The following ABL1 variants were observed in gnomAD, a reference collection of about 807,000 sequenced individuals.
ABL1 encodes ABL proto-oncogene 1, non-receptor tyrosine kinase.
In ABL1, 11 loss-of-function variants were observed where a neutral mutation model predicts 94.7. That is an observed-to-expected ratio of 0.12 (90% CI 0.07 to 0.19). The LOEUF (loss-of-function observed/expected upper bound fraction) is 0.19, where lower values mean the gene tolerates loss of function less well. Ranked by LOEUF, ABL1 falls within the 10% of genes least tolerant of loss-of-function variation. ABL1 has a pLI of 1.00. For missense variants in ABL1, 1,082 were observed against 1,489.4 expected (o/e 0.73, Z 4.50); for synonymous variants, 656 against 622.4 (o/e 1.05, Z -0.80).
At chr9:130,839,406 A>C (rs1429294113) in intron 1 of ABL1, among the ~76,000 whole-genome samples, 1 of 152,198 alleles carries the variant, frequency 6.6e-6, no homozygotes, top group Non-Finnish European at 1.5e-5. Flanking sequence ...TCCCTTGTTC[A>C]GTAACAAAGA....
chr9:130,791,913 G>A (rs1005733273), intron 1 of ABL1, among the ~76,000 whole-genome samples: 21 of 152,060 alleles, frequency 1.4e-4, no homozygotes, highest in African/African-American at 4.6e-4. Flanking sequence ...TATTAGTTCT[G>A]TCCCTTTGGA....
Position 130,855,072 on chromosome 9 carries a change from G to A in ABL1, c.525G>A (p.Arg175=), listed in dbSNP as rs781197426. ...ACGAAGGGAGGGTGTACCATTACAG[G>A]ATCAACACTGCTTCTGATGGCAAGG... is the stretch of plus-strand genomic sequence containing the variant. The part of the protein sequence containing the change: ...LRYEGRVYHY[R]INTASDGKLY... The change falls in exon 3 of 11, where the codon AGG becomes AGA. Residue 175 remains arginine, a synonymous_variant. Transcript: ENST00000318560. The A allele has an allele frequency of 1.9e-6, 3 of 1,613,944 alleles. No individual in the cohort carries two copies. The highest frequency in any genetic ancestry group is 1.7e-6 in the Non-Finnish European group (2 of 1,179,838).
At chr9:130,824,378 C>T (rs1338619002) in intron 1 of ABL1, among the ~76,000 whole-genome samples, 1 of 152,106 alleles carries the variant, frequency 6.6e-6, no homozygotes, top group East Asian at 1.9e-4. Context: ...CTAATCAGGC[C>T]CTCAACGGAC....
Position 130,880,373 on chromosome 9 carries a change from C to CA in ABL1, c.1514-127_1514-126insA. 2 of 1,202,618 alleles carry CA rather than the reference C, an allele frequency of 1.7e-6. No homozygotes were observed. Among genetic ancestry groups the CA allele is most frequent in the Admixed American group, 4.8e-5 (2 of 41,558 alleles). The allele number at this position is 1,202,618 out of a possible 1,614,324, so 74.5% of individuals were successfully genotyped here. On this transcript the variant is annotated intron_variant, in intron 9 of 10. Coordinates refer to ENST00000318560, the MANE Select transcript of ABL1 (RefSeq NM_005157.6). This position sits in a 1 kb window ranked among gnomAD's most constrained non-coding sequence, Gnocchi z 4.4. ...CTAAGGGCTGTTTCTCCGGTATCCACGTGCCTTTTCTTTAGTTGTATGCAG... is the reference window on the plus strand; with the variant it reads ...CTAAGGGCTGTTTCTCCGGTATCCACAGTGCCTTTTCTTTAGTTGTATGCAG...
chr9:130,867,165 T>C (rs73656060), intron 4 of ABL1, among the ~76,000 whole-genome samples: 7,632 of 152,272 alleles, frequency 0.05, 365 homozygotes, highest in African/African-American at 0.12. Context: ...GTGCAGGATA[T>C]ATTTTTTTGA....
intron 1 of ABL1, among the ~76,000 whole-genome samples, chr9:130,799,372 G>A (rs1793738023): frequency 6.6e-6 from 1 of 152,214 alleles, no homozygotes; most frequent in South Asian, 2.1e-4. Context: ...CTAGGAAAGA[G>A]CAAAGAGCAG....
At chr9:130,878,900 G>A (rs1436879124) in intron 8 of ABL1, among the ~76,000 whole-genome samples, 1 of 140,450 alleles carries the variant, frequency 7.1e-6, no homozygotes, top group Non-Finnish European at 1.5e-5. Flanking sequence ...TTTTTGAGAC[G>A]GAGTTTCGCT....
intron 4 of ABL1, among the ~76,000 whole-genome samples, chr9:130,870,844 C>T (rs1831240404): frequency 6.6e-6 from 1 of 152,190 alleles, no homozygotes; most frequent in Non-Finnish European, 1.5e-5. Flanking sequence ...CACATAGCCT[C>T]ATTGGTCACG....
At chr9:130,781,957 A>G (rs899692638) in intron 1 of ABL1, among the ~76,000 whole-genome samples, 4 of 152,248 alleles carry the variant, frequency 2.6e-5, no homozygotes, top group African/African-American at 4.8e-5. Flanking sequence ...ATGTACGTAT[A>G]TACATCACAT....
At chr9:130,818,759 C>G (rs1830322143) in intron 1 of ABL1, among the ~76,000 whole-genome samples, 1 of 152,212 alleles carries the variant, frequency 6.6e-6, no homozygotes, top group Non-Finnish European at 1.5e-5. Context: ...ATTGCCCTTT[C>G]ACCTTTGTGG....
chr9:130,848,775 A>G (rs1205528711), intron 1 of ABL1, among the ~76,000 whole-genome samples: 2 of 151,804 alleles, frequency 1.3e-5, no homozygotes, highest in African/African-American at 4.8e-5. Flanking sequence ...CATCTCTACT[A>G]AAAATACAAA....
rs1831559585 is a variant in ABL1 at position 130,885,427 on chromosome 9, A to G, written c.3137A>G (p.Asn1046Ser). ...GCGCTGTGCCTCGCCATCTCTAGGA[A>G]CTCCGAGCAGATGGCCAGCCACAGC... Reference protein sequence around the residue: ...TEALCLAISRNSEQMASHSAV... With the variant: ...TEALCLAISRSSEQMASHSAV... The change falls in exon 11 of 11, where the codon AAC becomes AGC. Residue 1046 changes from asparagine to serine, a missense_variant. Around this residue, in one of 7 missense-constraint regions of ABL1, gnomAD observed 780 missense variants for 835.8 expected, o/e 0.93. Transcript: ENST00000318560. 6.2e-7 allele frequency: 1 copy of G among 1,613,532 alleles called. No homozygotes were observed. The highest frequency in any genetic ancestry group is 1.3e-5 in the African/African-American group (1 of 74,928).
chr9:130,713,287 C>T (rs1237364462), exon 1 of ABL1, among the ~76,000 whole-genome samples: 1 of 152,022 alleles, frequency 6.6e-6, no homozygotes. Flanking sequence ...GCAGCTGAGG[C>T]GGCCGGGCCT....
At chr9:130,819,242 C>T (rs1303634395) in intron 1 of ABL1, among the ~76,000 whole-genome samples, 1 of 152,114 alleles carries the variant, frequency 6.6e-6, no homozygotes, top group Non-Finnish European at 1.5e-5. Context: ...GTCCCAGCTA[C>T]TCGGGAGGCT....
intron 8 of ABL1, among the ~76,000 whole-genome samples, chr9:130,879,793 C>T (rs886754734): frequency 2.6e-5 from 4 of 152,190 alleles, no homozygotes; most frequent in African/African-American, 7.2e-5. Flanking sequence ...CCTACTAGAG[C>T]GGGACTGGGA....
At position 130,835,741 on chromosome 9, in the gene ABL1, GTCTCTCTCTTTT is replaced by G. The variant is rs908013721; in HGVS notation, c.79+226_79+237del. On this transcript the variant is annotated intron_variant, in intron 1 of 10. Coordinates refer to ENST00000318560, the MANE Select transcript of ABL1 (RefSeq NM_005157.6). This position sits in a 1 kb window ranked among gnomAD's most constrained non-coding sequence, Gnocchi z 4.6. Reference sequence around the variant, plus strand: ...GTGTCTGTCTCTTTTCTCTTCTCTTGTCTCTCTCTTTTTCTCTCTCTCTGTCTCTTTCTCTTT... The same window carrying G: ...GTGTCTGTCTCTTTTCTCTTCTCTTGTCTCTCTCTCTGTCTCTTTCTCTTT... Among the ~76,000 whole-genome samples the G allele has an allele frequency of 5.8e-5, 7 of 119,770 alleles. No homozygotes were observed. The highest frequency in any genetic ancestry group is 2.1e-4 in the African/African-American group (7 of 33,972). The allele number at this position is 119,770 out of a possible 152,430, so 78.6% of individuals were successfully genotyped here.
chr9:130,782,139 A>G (rs996108605), intron 1 of ABL1, among the ~76,000 whole-genome samples: 9 of 150,508 alleles, frequency 6.0e-5, no homozygotes, highest in Non-Finnish European at 8.9e-5. Flanking sequence ...GCTTACTGCA[A>G]CCTCCACCTT....
intron 3 of ABL1, among the ~76,000 whole-genome samples, chr9:130,856,782 G>A (rs992207521): frequency 1.4e-4 from 21 of 152,148 alleles, no homozygotes; most frequent in African/African-American, 4.6e-4. Context: ...ATACACCTTC[G>A]AGATTGTTTT....
In ABL1 at chr9:130,880,355, C is replaced by A; in HGVS notation, c.1514-145C>A. 2 of 1,098,014 alleles carry A rather than the reference C, an allele frequency of 1.8e-6. No individual in the cohort carries two copies. Among genetic ancestry groups the A allele is most frequent in the Non-Finnish European group, 2.6e-6 (2 of 760,868 alleles). 68.0% of individuals were successfully genotyped at this position (1,098,014 alleles called of 1,614,324 possible). ...GCAGAGTTCTAAGAAATGCTAAGGG[C>A]TGTTTCTCCGGTATCCACGTGCCTT... On this transcript the variant is annotated intron_variant, in intron 9 of 10. Coordinates refer to ENST00000318560, the MANE Select transcript of ABL1 (RefSeq NM_005157.6). This position sits in a 1 kb window ranked among gnomAD's most constrained non-coding sequence, Gnocchi z 4.4.
Sources: allele counts gnomAD v4.1 joint callset (sites outside exome capture counted in the v4.1 genomes callset), GRCh38; gene constraint gnomAD v4.1.1; regional missense constraint gnomAD v4.1.1; non-coding constraint Gnocchi (gnomAD v3.1); transcripts MANE v1.5; gene names NCBI Gene and HGNC (gene_info 2026-07-23, HGNC 2026-07-21).